HSPBP1: variants seen among roughly 807,000 people sequenced by gnomAD.
HSPBP1 encodes HSPA (Hsp70) binding protein 1.
Under a neutral mutation model 41.7 loss-of-function variants are expected in HSPBP1, and 31 were observed. That is an observed-to-expected ratio of 0.74 (90% CI 0.56 to 1.00). The LOEUF is 1.00. Among genes scored for constraint, HSPBP1 ranks in the 50% least tolerant of loss-of-function variants. The pLI, the probability that HSPBP1 is intolerant of heterozygous loss-of-function variation, is 0.00. For synonymous variants in HSPBP1, 199 were observed against 214.4 expected, an observed-to-expected ratio of 0.93 and a Z score of 0.63; for missense variants, 439 against 487.9, an observed-to-expected ratio of 0.90 and a Z score of 0.94.
rs1194760202 is a variant in HSPBP1, at chr19:55,277,614, G to C, written c.415+28C>G. On this transcript the variant is annotated intron_variant, in intron 3 of 7. Coordinates refer to ENST00000433386, the MANE Select transcript of HSPBP1 (RefSeq NM_012267.5). ...GCAGCAGGACATGTACAGAGGGGCA[G>C]AACGTCCTGGCGGGGGAAGCGGGGT... 2.5e-6 allele frequency: 4 copies of C among 1,589,286 alleles called. No individual in the cohort carries two copies. In the African/African-American group the frequency reaches 5.4e-5, roughly 21 times the overall value.
intron 3 of HSPBP1, among the ~76,000 whole-genome samples, chr19:55,274,967 T>C (rs1485256309): frequency 6.6e-6 from 1 of 152,172 alleles, no homozygotes; most frequent in Admixed American, 6.5e-5. Flanking sequence ...TCCAGAGCCG[T>C]GAGAAAATAC....
At chr19:55,278,048 A>C (rs1266670713) in intron 2 of HSPBP1, among the ~76,000 whole-genome samples, 2 of 152,108 alleles carry the variant, frequency 1.3e-5, no homozygotes, top group Admixed American at 1.3e-4. Flanking sequence ...GGAGTTTGAG[A>C]CCAGCCTGGG....
At chr19:55,278,720 C>A (rs753504485) in intron 2 of HSPBP1, among the ~76,000 whole-genome samples, 2 of 152,088 alleles carry the variant, frequency 1.3e-5, no homozygotes, top group African/African-American at 2.4e-5. Context: ...TCGAGACCAG[C>A]CTGGCCAATG....
chr19:55,274,687 C>T (rs1459379236), intron 3 of HSPBP1, 65 bp from the exon 4 acceptor site: 2 of 1,370,174 alleles, frequency 1.5e-6, no homozygotes, highest in East Asian at 2.4e-5. Context: ...CCCCAAAATG[C>T]ATGGGTTGAT....
In HSPBP1 at chr19:55,262,666, C is replaced by T; in HGVS notation, c.1022G>A (p.Cys341Tyr). The change falls in exon 8 of 8, where the codon TGT becomes TAT. Residue 341 changes from cysteine to tyrosine, a missense_variant. Physicochemically the swap from Cys to Tyr is radical, Grantham distance 194 (BLOSUM62 -2). Coordinates refer to ENST00000433386, the MANE Select transcript of HSPBP1 (RefSeq NM_012267.5). ...GAAACAGGTCTGTAGCAGCTTTTCA[C>T]AGAACTCCAGCTCCTCCTGGATTGG... ...HEEYQEELEF[C>Y]EKLLQTCFSS... The T allele has an allele frequency of 1.2e-6, 2 of 1,613,488 alleles. No homozygotes were observed. Among genetic ancestry groups the T allele is most frequent in the Non-Finnish European group, 1.7e-6 (2 of 1,179,694 alleles).
chr19:55,273,281 C>T (rs1488899952), intron 4 of HSPBP1, among the ~76,000 whole-genome samples: 1 of 152,180 alleles, frequency 6.6e-6, no homozygotes, highest in African/African-American at 2.4e-5. Context: ...TGAGCCACCA[C>T]GCCTGGCCAA....
intron 1 of HSPBP1, 148 bp downstream of exon 1, chr19:55,279,887 C>T: frequency 1.6e-6 from 1 of 608,172 alleles, no homozygotes; most frequent in Non-Finnish European, 2.8e-6. Context: ...GGCAACAACC[C>T]CCCTTCCCCA....
At chr19:55,263,651 G>A (rs547900473) in intron 7 of HSPBP1, among the ~76,000 whole-genome samples, 1 of 152,218 alleles carries the variant, frequency 6.6e-6, no homozygotes, top group Non-Finnish European at 1.5e-5. Context: ...GGCGAGACAT[G>A]CAATGCCCAC....
At chr19:55,278,923 C>CCCCCAA (rs764250410) in intron 2 of HSPBP1, among the ~76,000 whole-genome samples, 3 of 90,668 alleles carry the variant, frequency 3.3e-5, no homozygotes, top group African/African-American at 4.2e-5. Context: ...CTGCCCCCAC[C>CCCCCAA]AAAAAAAAAA....
intron 3 of HSPBP1, among the ~76,000 whole-genome samples, chr19:55,276,717 A>C (rs564588034): frequency 5.9e-5 from 9 of 152,078 alleles, no homozygotes; most frequent in Admixed American, 2.6e-4. Flanking sequence ...CTGCCCGGAT[A>C]AGACGGGGAG....
chr19:55,275,231 G>A (rs2088040099), intron 3 of HSPBP1, among the ~76,000 whole-genome samples: 1 of 152,096 alleles, frequency 6.6e-6, no homozygotes, highest in African/African-American at 2.4e-5. Flanking sequence ...ATGTCCCCAG[G>A]GTCAGCAAAC....
chr19:55,274,378 A>T lies in HSPBP1; in HGVS notation c.640+20T>A. On this transcript the variant is annotated intron_variant, in intron 4 of 7. Transcript: ENST00000433386. ...CCCCACCGCCAGCACCCCTGTCCCC[A>T]GCCCCACCCGGACACTCACAGGAGA... The T allele has an allele frequency of 1.3e-5, 2 of 150,572 alleles. No individual in the cohort carries two copies. The highest frequency in any genetic ancestry group is 1.9e-5 in the Non-Finnish European group (2 of 103,288). The allele number at this position is 150,572 out of a possible 1,614,324, so 9.3% of individuals were successfully genotyped here. A position where few individuals can be genotyped will look rare whatever the true frequency, so the allele number is the denominator to read the frequency against.
In HSPBP1 at chr19:55,277,635, G is replaced by C. The variant is rs374979560; in HGVS notation, c.415+7C>G. On this transcript the variant is annotated splice_region_variant and intron_variant, in intron 3 of 7. Transcript: ENST00000433386. The stretch of plus-strand genomic sequence containing the variant: ...GGCAGAACGTCCTGGCGGGGGAAGC[G>C]GGGTACCTGCGGCATTGTCCATGTT... 2 of 1,601,654 alleles carry C rather than the reference G, an allele frequency of 1.2e-6. No homozygotes were observed. The highest frequency in any genetic ancestry group is 2.2e-5 in the South Asian group (2 of 89,194).
At position 55,279,547 on chromosome 19, in the gene HSPBP1, C is replaced by A. The variant is rs536210314; in HGVS notation, c.62G>T (p.Gly21Val). Residue 21 changes from glycine to valine, a missense_variant, in exon 2 of 8, where the codon GGT (glycine) becomes GTT (valine). Physicochemically the swap from Gly to Val is moderately radical, Grantham distance 109. Transcript: ENST00000433386. ...LPLALPPASQ[G>V]CSSGGGGGGS... Reference sequence around the variant, plus strand: ...GCCGCCGCCGCCCCCTGAAGAGCAACCCTGGGAGGCCGGGGGCAGCGCCAG... The same window carrying A: ...GCCGCCGCCGCCCCCTGAAGAGCAAACCTGGGAGGCCGGGGGCAGCGCCAG... 5.0e-5 allele frequency: 77 copies of A among 1,537,614 alleles called. 2 individuals are homozygous for A. The South Asian group carries it at 8.7e-4, about 17-fold the overall frequency.
intron 3 of HSPBP1, 81 bp downstream of exon 3, chr19:55,277,561 C>A: frequency 7.1e-7 from 1 of 1,410,254 alleles, no homozygotes; most frequent in Non-Finnish European, 9.8e-7. Context: ...ACGGTGTGAG[C>A]CCCAAGAGTA....
intron 4 of HSPBP1, 26 bp downstream of exon 4, chr19:55,274,372 G>GGGC: frequency 9.8e-6 from 2 of 204,298 alleles, no homozygotes; most frequent in Non-Finnish European, 1.4e-5. Context: ...CAGCACCCCT[G>GGGC]TCCCCAGCCC....
chr19:55,269,490 A>G (rs993746442), intron 4 of HSPBP1, among the ~76,000 whole-genome samples: 16 of 152,174 alleles, frequency 1.1e-4, no homozygotes, highest in African/African-American at 3.1e-4. Flanking sequence ...AAAGAAAGCC[A>G]AAGTCATCAC....
chr19:55,264,491 A>G (rs1191068345), intron 7 of HSPBP1, among the ~76,000 whole-genome samples: 1 of 152,208 alleles, frequency 6.6e-6, no homozygotes, highest in African/African-American at 2.4e-5. Flanking sequence ...CTAGTTATCT[A>G]ATGAGTTATT....
intron 6 of HSPBP1, 59 bp from the exon 7 acceptor site, chr19:55,265,448 C>T (rs1600131945): frequency 1.5e-6 from 2 of 1,328,408 alleles, no homozygotes; most frequent in East Asian, 2.3e-5. Flanking sequence ...ACTGACCCAA[C>T]CCTATCGCCC....
Sources: allele counts gnomAD v4.1 joint callset (sites outside exome capture counted in the v4.1 genomes callset), GRCh38; gene constraint gnomAD v4.1.1; transcripts MANE v1.5; gene names NCBI Gene and HGNC (gene_info 2026-07-23, HGNC 2026-07-21).